SUMF1: variants seen among roughly 807,000 people sequenced by gnomAD.
SUMF1 encodes formylglycine-generating enzyme.
Under a neutral mutation model 47.6 loss-of-function variants are expected in SUMF1, and 48 were observed. The ratio of observed to expected loss-of-function variants is 1.01; its 90% CI spans 0.80 to 1.28. The LOEUF is 1.28. Ranked by LOEUF, SUMF1 falls within the 50% of genes most tolerant of loss-of-function variation. The pLI, the probability that SUMF1 is intolerant of heterozygous loss-of-function variation, is 0.00. For missense variants in SUMF1, 571 were observed against 485.4 expected, an observed-to-expected ratio of 1.18 and a Z score of -1.66; for synonymous variants, 230 against 192.1, an observed-to-expected ratio of 1.20 and a Z score of -1.63.
intron 7 of SUMF1, among the ~76,000 whole-genome samples, chr3:4,407,780 G>A (rs1342900971): frequency 2.0e-5 from 3 of 152,214 alleles, no homozygotes; most frequent in African/African-American, 7.2e-5. Context: ...AATGGCAGAT[G>A]TAAGGCTGAG....
intron 9 of SUMF1, among the ~76,000 whole-genome samples, chr3:4,047,976 G>A (rs115745486): frequency 0.013 from 2,034 of 152,070 alleles, 49 homozygotes; most frequent in African/African-American, 0.046. Flanking sequence ...TTTTATGGAT[G>A]GGGAAACTTC....
intron 8 of SUMF1, among the ~76,000 whole-genome samples, chr3:4,190,791 T>C (rs918217957): frequency 1.3e-5 from 2 of 152,164 alleles, no homozygotes; most frequent in African/African-American, 4.8e-5. Flanking sequence ...CCACCATGCC[T>C]GCTTTCAGGG....
intron 3 of SUMF1, among the ~76,000 whole-genome samples, chr3:4,428,982 C>T (rs114211624): frequency 6.3e-4 from 96 of 152,146 alleles, no homozygotes; most frequent in African/African-American, 1.7e-3. Flanking sequence ...CAGTGGCTAC[C>T]AATATTTTTG....
At chr3:4,137,787 C>T (rs1207995240) in intron 8 of SUMF1, among the ~76,000 whole-genome samples, 2 of 152,060 alleles carry the variant, frequency 1.3e-5, no homozygotes, top group Non-Finnish European at 2.9e-5. Flanking sequence ...TTATTTACCA[C>T]TGTACTGGAG....
At position 4,456,709 on chromosome 3, in the gene SUMF1, TATATATAC is replaced by T. The variant is rs1166723036; in HGVS notation, c.271-3668_271-3661del. Among the ~76,000 whole-genome samples the T allele has an allele frequency of 5.2e-4, 72 of 139,490 alleles. 1 individual carries two copies. Among genetic ancestry groups the T allele is most frequent in the Admixed American group, 1.0e-3 (14 of 13,746 alleles). 91.5% of individuals were successfully genotyped at this position (139,490 alleles called of 152,430 possible). ...ATATGTGTGTATATATATATACGTA[TATATATAC>T]ATATATATACGTGTGTATATATACA... On this transcript the variant is annotated intron_variant, in intron 1 of 8. Transcript: ENST00000272902.
At chr3:4,367,129 TG>T (rs1173034898) in intron 8 of SUMF1, among the ~76,000 whole-genome samples, 2,440 of 151,940 alleles carry the variant, frequency 0.016, 64 homozygotes, top group African/African-American at 0.053. Flanking sequence ...CTGCCCCTAC[TG>T]GGGGGGTGCC....
chr3:4,116,307 C>T (rs1048155799), intron 8 of SUMF1, among the ~76,000 whole-genome samples: 2 of 152,082 alleles, frequency 1.3e-5, no homozygotes, highest in Non-Finnish European at 2.9e-5. Flanking sequence ...GTTCAAGAAA[C>T]GCAAGTAAGA....
chr3:4,266,680 T>C (rs1267259112), intron 8 of SUMF1, among the ~76,000 whole-genome samples: 93 of 151,636 alleles, frequency 6.1e-4, no homozygotes, highest in African/African-American at 2.1e-3. Context: ...ACAGGGACAA[T>C]TGGACTTCCT....
intron 8 of SUMF1, among the ~76,000 whole-genome samples, chr3:4,213,501 C>T (rs1695845365): frequency 6.6e-6 from 1 of 152,146 alleles, no homozygotes; most frequent in African/African-American, 2.4e-5. Context: ...GAAACTGCAT[C>T]AACTAACAGG....
intron 7 of SUMF1, among the ~76,000 whole-genome samples, chr3:4,407,242 T>C (rs1347982122): frequency 6.6e-6 from 1 of 152,174 alleles, no homozygotes; most frequent in Non-Finnish European, 1.5e-5. Context: ...AAATAAAAAC[T>C]AATGATTAAC....
intron 8 of SUMF1, among the ~76,000 whole-genome samples, chr3:4,241,367 G>GT: frequency 6.6e-6 from 1 of 152,058 alleles, no homozygotes. Flanking sequence ...GTATGCTTAG[G>GT]TAAGAACCTT....
At chr3:4,460,043 G>A (rs1364438288) in intron 1 of SUMF1, among the ~76,000 whole-genome samples, 6 of 152,112 alleles carry the variant, frequency 3.9e-5, no homozygotes, top group Non-Finnish European at 8.8e-5. Flanking sequence ...AGAAGAGGGG[G>A]ATAAAAAAGG....
intron 8 of SUMF1, among the ~76,000 whole-genome samples, chr3:4,278,221 T>C (rs534275409): frequency 6.2e-4 from 95 of 152,170 alleles, no homozygotes; most frequent in Non-Finnish European, 1.1e-3. Context: ...AAAAATATTA[T>C]GGCATGTTCT....
At chr3:4,094,749 T>A (rs1692864597) in intron 8 of SUMF1, among the ~76,000 whole-genome samples, 1 of 152,112 alleles carries the variant, frequency 6.6e-6, no homozygotes, top group African/African-American at 2.4e-5. Context: ...CAAAAGGCTG[T>A]TAATAATGTA....
intron 4 of SUMF1, among the ~76,000 whole-genome samples, chr3:4,419,755 A>C (rs1357395893): frequency 6.6e-6 from 1 of 152,204 alleles, no homozygotes; most frequent in African/African-American, 2.4e-5. Context: ...GAATGTAAAG[A>C]TTAAACATGT....
intron 8 of SUMF1, among the ~76,000 whole-genome samples, chr3:4,334,285 T>G (rs1251745893): frequency 6.6e-6 from 1 of 152,230 alleles, no homozygotes; most frequent in Non-Finnish European, 1.5e-5. Flanking sequence ...TTACCAGATT[T>G]TAGCTGGGAC....
At chr3:4,290,028 A>G (rs535590804) in intron 8 of SUMF1, among the ~76,000 whole-genome samples, 89 of 152,350 alleles carry the variant, frequency 5.8e-4, no homozygotes, top group Middle Eastern at 3.4e-3. Context: ...CAAATCACAC[A>G]TGGCATAATG....
chr3:4,200,970 A>C (rs1695528705), intron 8 of SUMF1, among the ~76,000 whole-genome samples: 1 of 151,670 alleles, frequency 6.6e-6, no homozygotes, highest in Non-Finnish European at 1.5e-5. Context: ...TATATAGCAT[A>C]AACCCTCCAA....
intron 1 of SUMF1, among the ~76,000 whole-genome samples, chr3:4,460,811 C>A (rs536158277): frequency 6.6e-6 from 1 of 151,936 alleles, no homozygotes; most frequent in African/African-American, 2.4e-5. Flanking sequence ...TGAACACCAA[C>A]ACACCCTGCT....
Sources: gnomAD v4.1 joint callset for allele counts (sites outside exome capture counted in the v4.1 genomes callset) on GRCh38, gnomAD v4.1.1 for gene constraint, MANE v1.5 for transcripts, NCBI Gene and HGNC (gene_info 2026-07-23, HGNC 2026-07-21) for gene names.